SRPK2: variants seen among roughly 807,000 people sequenced by gnomAD.
SRPK2 encodes SRSF protein kinase 2, also known as SFRS protein kinase 2.
In SRPK2, 21 loss-of-function variants were observed where a neutral mutation model predicts 90.8. That is an observed-to-expected ratio of 0.23 (90% CI 0.16 to 0.33). The LOEUF (loss-of-function observed/expected upper bound fraction) is 0.33. Among genes scored for constraint, SRPK2 ranks in the 10% least tolerant of loss-of-function variants. SRPK2 has a pLI of 1.00. For synonymous variants in SRPK2, 288 were observed against 311.1 expected (o/e 0.93, Z 0.78); for missense variants, 620 against 869.0 (o/e 0.71, Z 3.60).
chr7:105,148,423 GGTCA>G (rs1645542699), intron 7 of SRPK2, among the ~76,000 whole-genome samples: 2 of 152,010 alleles, frequency 1.3e-5, no homozygotes, highest in African/African-American at 2.4e-5. Flanking sequence ...CTAAATACAA[GGTCA>G]GTGTTTTTCT....
intron 2 of SRPK2, among the ~76,000 whole-genome samples, chr7:105,205,776 G>C (rs1796157122): frequency 6.6e-6 from 1 of 152,168 alleles, no homozygotes; most frequent in Non-Finnish European, 1.5e-5. Context: ...GAAAAGGTTT[G>C]AGATGACGTC....
upstream of SRPK2, among the ~76,000 whole-genome samples, chr7:105,393,932 T>C (rs1822248399): frequency 6.6e-6 from 1 of 151,582 alleles, no homozygotes; most frequent in Non-Finnish European, 1.5e-5. Flanking sequence ...AGCAAGACAC[T>C]GTCTCAAAAA....
intron 7 of SRPK2, among the ~76,000 whole-genome samples, chr7:105,158,880 G>T (rs1806985137): frequency 6.7e-6 from 1 of 148,302 alleles, no homozygotes. Context: ...AGTCTTATTT[G>T]GGGATCAAAT....
At chr7:105,166,328 C>T (rs1341142066) in intron 6 of SRPK2, among the ~76,000 whole-genome samples, 2 of 151,924 alleles carry the variant, frequency 1.3e-5, no homozygotes, top group African/African-American at 4.8e-5. Context: ...TTTGCAATAC[C>T]AAGGAAATCT....
At chr7:105,351,521 G>T (rs769795585) in intron 2 of SRPK2, among the ~76,000 whole-genome samples, 4 of 151,418 alleles carry the variant, frequency 2.6e-5, no homozygotes, top group African/African-American at 7.3e-5. Context: ...ATAAATCACC[G>T]GCCGGGCGCA....
intron 2 of SRPK2, among the ~76,000 whole-genome samples, chr7:105,234,430 C>T (rs1217492208): frequency 1.3e-5 from 2 of 152,102 alleles, no homozygotes; most frequent in Non-Finnish European, 2.9e-5. Context: ...AGAAATATTT[C>T]CTGGATCTCT....
At chr7:105,361,400 C>T (rs958480539) in intron 2 of SRPK2, among the ~76,000 whole-genome samples, 1 of 152,102 alleles carries the variant, frequency 6.6e-6, no homozygotes, top group Non-Finnish European at 1.5e-5. Context: ...CCATACAGCC[C>T]AAGGTAATTT....
chr7:105,136,855 C>T (rs1024576424), intron 11 of SRPK2, among the ~76,000 whole-genome samples: 1 of 152,114 alleles, frequency 6.6e-6, no homozygotes, highest in African/African-American at 2.4e-5. Context: ...TTACTGAGTA[C>T]CTTCTGTGTG....
At chr7:105,275,034 C>A (rs1806304267) in intron 2 of SRPK2, among the ~76,000 whole-genome samples, 1 of 152,050 alleles carries the variant, frequency 6.6e-6, no homozygotes, top group African/African-American at 2.4e-5. Flanking sequence ...ATTACAAGCA[C>A]CCGCCACCAC....
chr7:105,364,406 T>TTTTTTTTTTG (rs1818788828), intron 2 of SRPK2, among the ~76,000 whole-genome samples: 1 of 94,516 alleles, frequency 1.1e-5, no homozygotes, highest in African/African-American at 3.9e-5. Flanking sequence ...GTGTGTAACG[T>TTTTTTTTTTG]TTTTTTTTTT....
intron 7 of SRPK2, among the ~76,000 whole-genome samples, chr7:105,152,756 C>T (rs1805889999): frequency 1.3e-5 from 2 of 152,090 alleles, no homozygotes; most frequent in African/African-American, 4.8e-5. Context: ...CTTAATACGG[C>T]TGGGCGCGGT....
chr7:105,390,696 A>G (rs1586036733), upstream of SRPK2, among the ~76,000 whole-genome samples: 1 of 140,366 alleles, frequency 7.1e-6, no homozygotes, highest in Admixed American at 7.7e-5. Context: ...CGGGTCATCC[A>G]CCCACCTCAA....
chr7:105,341,719 G>A (rs1406202841), intron 2 of SRPK2, among the ~76,000 whole-genome samples: 1 of 152,020 alleles, frequency 6.6e-6, no homozygotes, highest in African/African-American at 2.4e-5. Flanking sequence ...CTGTAATCCA[G>A]CACTTTGGGA....
At chr7:105,168,882 T>C (rs1057397198) in intron 4 of SRPK2, among the ~76,000 whole-genome samples, 6 of 152,020 alleles carry the variant, frequency 3.9e-5, no homozygotes, top group East Asian at 1.9e-4. Flanking sequence ...TTGTCTGATA[T>C]GGATGAATTA....
At position 105,128,700 on chromosome 7, in the gene SRPK2, T is replaced by C. The variant is rs76937481; in HGVS notation, c.1753-1638A>G. Among the ~76,000 whole-genome samples the C allele has an allele frequency of 6.1e-3, 922 of 152,346 alleles. 15 individuals carry two copies. In the East Asian group the frequency reaches 0.062, roughly 10 times the overall value. On this transcript the variant is annotated intron_variant, in intron 13 of 15. Transcript: ENST00000393651. ...TAACTCTTTTAATTAATTTTCAAAATGACTTCAATCTGGTTGCATATATTT... is the reference window on the plus strand; with the variant it reads ...TAACTCTTTTAATTAATTTTCAAAACGACTTCAATCTGGTTGCATATATTT...
intron 3 of SRPK2, among the ~76,000 whole-genome samples, chr7:105,173,654 C>T (rs1791439902): frequency 6.6e-6 from 1 of 152,188 alleles, no homozygotes; most frequent in South Asian, 2.1e-4. Flanking sequence ...TGGTCTACCA[C>T]ATTGCCCAGC....
In SRPK2 at chr7:105,152,640, T is replaced by C. The variant is rs74833096; in HGVS notation, c.622-5982A>G. Among the ~76,000 whole-genome samples, 21 of 152,324 alleles carry C rather than the reference T, an allele frequency of 1.4e-4. No homozygotes were observed. The East Asian group carries it at 3.9e-3, about 28-fold the overall frequency. Reference sequence around the variant, plus strand: ...AGGAATCATGTTTCATCCCCATGGATAGATCTCCCCTTGCAAAATCTGACA... The same window carrying C: ...AGGAATCATGTTTCATCCCCATGGACAGATCTCCCCTTGCAAAATCTGACA... On this transcript the variant is annotated intron_variant, in intron 7 of 15. Transcript: ENST00000393651.
chr7:105,119,594 C>T lies in SRPK2; in HGVS notation c.1916-1572G>A, dbSNP rs142966643. Among the ~76,000 whole-genome samples the T allele has an allele frequency of 9.1e-4, 138 of 152,238 alleles. No homozygotes were observed. The East Asian group carries it at 0.023, about 25-fold the overall frequency. On this transcript the variant is annotated intron_variant, in intron 15 of 15. Coordinates refer to ENST00000393651, the MANE Select transcript of SRPK2 (RefSeq NM_182692.3). ...GAGGACTGGAGCTAGAGTAAAGCAT[C>T]GCATCCAGACTAGACATCAGGTCTG...
intron 2 of SRPK2, among the ~76,000 whole-genome samples, chr7:105,341,764 C>G: frequency 6.6e-6 from 1 of 151,850 alleles, no homozygotes; most frequent in Non-Finnish European, 1.5e-5. Context: ...ACCAGGAGTT[C>G]GAAACCAGCC....
Sources: gnomAD v4.1 joint callset for allele counts (sites outside exome capture counted in the v4.1 genomes callset) on GRCh38, gnomAD v4.1.1 for gene constraint, MANE v1.5 for transcripts, NCBI Gene and HGNC (gene_info 2026-07-23, HGNC 2026-07-21) for gene names.